LRRC7: variants seen among roughly 807,000 people sequenced by gnomAD.
The protein encoded by LRRC7 is leucine rich repeat containing 7, also known as leucine-rich repeat-containing protein 7.
A neutral mutation model predicts 175.7 loss-of-function variants in LRRC7; 23 were observed. That is an observed-to-expected ratio of 0.13 (90% confidence interval 0.09 to 0.19). The LOEUF (loss-of-function observed/expected upper bound fraction) is 0.19, where lower values mean the gene tolerates loss of function less well. Among genes scored for constraint, LRRC7 ranks in the 10% least tolerant of loss-of-function variants. The pLI is 1.00. For missense variants in LRRC7, 1,354 were observed against 1,904.7 expected, an observed-to-expected ratio of 0.71 and a Z score of 5.38; for synonymous variants, 685 against 680.9, an observed-to-expected ratio of 1.01 and a Z score of -0.09.
At chr1:69,685,067 G>A (rs559741679) in intron 2 of LRRC7, among the ~76,000 whole-genome samples, 1 of 152,166 alleles carries the variant, frequency 6.6e-6, no homozygotes, top group African/African-American at 2.4e-5. Context: ...AGAATCCAGA[G>A]CAGCACTTTT....
chr1:69,946,410 C>T (rs1277075574), intron 8 of LRRC7, among the ~76,000 whole-genome samples: 3 of 151,930 alleles, frequency 2.0e-5, no homozygotes, highest in Non-Finnish European at 2.9e-5. Context: ...CTGTTAAGTC[C>T]ATTGGTATAC....
At chr1:69,779,691 C>G (rs1049074413) in intron 3 of LRRC7, among the ~76,000 whole-genome samples, 1 of 152,168 alleles carries the variant, frequency 6.6e-6, no homozygotes, top group Non-Finnish European at 1.5e-5. Context: ...TTAAAAACAA[C>G]AGCAGTGATA....
chr1:69,748,819 T>C (rs938633845), intron 2 of LRRC7, among the ~76,000 whole-genome samples: 2 of 152,172 alleles, frequency 1.3e-5, no homozygotes, highest in African/African-American at 2.4e-5. Context: ...TGACTACTTC[T>C]GCTCTGCTCT....
chr1:69,934,083 A>G (rs187196361), intron 8 of LRRC7, among the ~76,000 whole-genome samples: 1 of 152,160 alleles, frequency 6.6e-6, no homozygotes, highest in African/African-American at 2.4e-5. Flanking sequence ...CTGTTGTTGT[A>G]ACAGTAACAA....
intron 4 of LRRC7, among the ~76,000 whole-genome samples, chr1:69,800,779 A>G (rs1676384318): frequency 6.6e-6 from 1 of 151,862 alleles, no homozygotes; most frequent in African/African-American, 2.4e-5. Flanking sequence ...ACTATATTGA[A>G]GAGAGTAGTG....
At chr1:70,010,408 A>C (rs1363401483) in intron 11 of LRRC7, among the ~76,000 whole-genome samples, 3 of 152,108 alleles carry the variant, frequency 2.0e-5, no homozygotes, top group Non-Finnish European at 4.4e-5. Context: ...TCTACTAAAA[A>C]TACAAAAATT....
chr1:70,069,318 A>G (rs1558042689), intron 23 of LRRC7, among the ~76,000 whole-genome samples: 1 of 152,132 alleles, frequency 6.6e-6, no homozygotes, highest in Non-Finnish European at 1.5e-5. Context: ...AGCAGGGGAA[A>G]TGCCAGATGC....
intron 7 of LRRC7, among the ~76,000 whole-genome samples, chr1:69,900,997 C>T (rs1646119558): frequency 6.6e-6 from 1 of 152,152 alleles, no homozygotes; most frequent in East Asian, 1.9e-4. Context: ...GAAAGGTAAG[C>T]TGGTGTCAAA....
intron 7 of LRRC7, among the ~76,000 whole-genome samples, chr1:69,922,824 A>G (rs1480556081): frequency 6.6e-6 from 1 of 151,512 alleles, no homozygotes; most frequent in Non-Finnish European, 1.5e-5. Context: ...TTTTATTATT[A>G]TTATACTTTA....
intron 1 of LRRC7, among the ~76,000 whole-genome samples, chr1:69,574,808 C>T (rs6699502): frequency 0.26 from 39,394 of 151,868 alleles, 5,642 homozygotes; most frequent in East Asian, 0.38. Flanking sequence ...AGTTACTATC[C>T]GGTGTTCTTC....
chr1:69,723,021 A>G (rs1259439320), intron 2 of LRRC7, among the ~76,000 whole-genome samples: 1 of 152,042 alleles, frequency 6.6e-6, no homozygotes, highest in Non-Finnish European at 1.5e-5. Context: ...TCATTTTTAA[A>G]GGTATATGAG....
chr1:69,980,775 A>G (rs926202522), intron 9 of LRRC7, among the ~76,000 whole-genome samples: 17 of 152,318 alleles, frequency 1.1e-4, no homozygotes, highest in African/African-American at 3.8e-4. Context: ...AATACCATAT[A>G]TAATACCAAG....
intron 7 of LRRC7, among the ~76,000 whole-genome samples, chr1:69,861,750 A>G (rs1684379913): frequency 6.6e-6 from 1 of 152,204 alleles, no homozygotes; most frequent in Non-Finnish European, 1.5e-5. Context: ...GAAAAGGCTA[A>G]TGGAGAATCT....
At chr1:69,596,085 C>T (rs1489813528) in intron 1 of LRRC7, among the ~76,000 whole-genome samples, 3 of 151,934 alleles carry the variant, frequency 2.0e-5, no homozygotes, top group Admixed American at 6.6e-5. Context: ...TCTGCATCTG[C>T]AGAAGGACTG....
At chr1:70,103,142 T>C (rs1173247270) in intron 25 of LRRC7, among the ~76,000 whole-genome samples, 1 of 151,362 alleles carries the variant, frequency 6.6e-6, no homozygotes, top group Non-Finnish European at 1.5e-5. Flanking sequence ...GGTGGGAGGA[T>C]CACCTGAACC....
chr1:69,671,398 TTCCTC>T (rs1346218758), intron 1 of LRRC7, among the ~76,000 whole-genome samples: 1 of 152,110 alleles, frequency 6.6e-6, no homozygotes, highest in Non-Finnish European at 1.5e-5. Flanking sequence ...ACTCTTTTCT[TTCCTC>T]TCCTCAAGCA....
intron 2 of LRRC7, among the ~76,000 whole-genome samples, chr1:69,688,546 G>A (rs58546454): frequency 0.066 from 9,990 of 151,884 alleles, 452 homozygotes; most frequent in East Asian, 0.2. Flanking sequence ...GGCTGGCATC[G>A]ATGTTCTGCA....
At chr1:69,945,238 A>C (rs1649185882) in intron 8 of LRRC7, among the ~76,000 whole-genome samples, 1 of 152,050 alleles carries the variant, frequency 6.6e-6, no homozygotes, top group African/African-American at 2.4e-5. Flanking sequence ...AACTTTCCCA[A>C]AAGTATTTAT....
At chr1:69,682,070 G>T (rs1557593560) in intron 2 of LRRC7, among the ~76,000 whole-genome samples, 1 of 152,076 alleles carries the variant, frequency 6.6e-6, no homozygotes, top group Admixed American at 6.6e-5. Flanking sequence ...TTTCCTTGTG[G>T]TGGTATGACA....
Sources: allele counts gnomAD v4.1 joint callset (sites outside exome capture counted in the v4.1 genomes callset), GRCh38; gene constraint gnomAD v4.1.1; transcripts MANE v1.5; gene names NCBI Gene and HGNC (gene_info 2026-07-23, HGNC 2026-07-21).